Variants in KDM4C observed in about 807,000 individuals in gnomAD.
The protein encoded by KDM4C is lysine-specific demethylase 4C.
In KDM4C, 81 loss-of-function variants were observed where a neutral mutation model predicts 129.3. The observed-to-expected ratio is 0.63, with a 90% CI of 0.52 to 0.75. The LOEUF (loss-of-function observed/expected upper bound fraction) is 0.75, where lower values mean the gene tolerates loss of function less well. Among genes scored for constraint, KDM4C ranks in the 30% least tolerant of loss-of-function variants. KDM4C has a pLI of 0.00. For missense variants in KDM4C, 1,457 were observed against 1,304.0 expected (o/e 1.12, Z -1.81); for synonymous variants, 573 against 456.1 (o/e 1.26, Z -3.26).
intron 17 of KDM4C, among the ~76,000 whole-genome samples, chr9:7,060,065 C>T (rs1416662608): frequency 1.3e-5 from 2 of 152,084 alleles, no homozygotes; most frequent in Admixed American, 6.5e-5. Flanking sequence ...TTCTTCAATC[C>T]AGTGTTCTCA....
At chr9:6,864,055 C>G (rs958063451) in intron 5 of KDM4C, among the ~76,000 whole-genome samples, 1 of 152,146 alleles carries the variant, frequency 6.6e-6, no homozygotes, top group African/African-American at 2.4e-5. Flanking sequence ...ATAGAGTATT[C>G]TGAATTTGTT....
chr9:6,805,049 T>C (rs916686442), intron 2 of KDM4C, among the ~76,000 whole-genome samples: 10 of 151,916 alleles, frequency 6.6e-5, no homozygotes, highest in African/African-American at 2.4e-4. Context: ...TACAGGTGCG[T>C]GCCACCACGC....
upstream of KDM4C, among the ~76,000 whole-genome samples, chr9:6,755,669 C>G (rs1245776831): frequency 3.9e-5 from 6 of 152,198 alleles, no homozygotes; most frequent in East Asian, 1.2e-3. Context: ...ATTGTTCATA[C>G]AGCCTTCCAT....
At position 7,135,006 on chromosome 9, in the gene KDM4C, T is replaced by C. The variant is rs77938310; in HGVS notation, c.2781+6770T>C. Among the ~76,000 whole-genome samples the C allele has an allele frequency of 7.1e-3, 1,077 of 152,348 alleles. 10 individuals carry two copies. Among genetic ancestry groups the C allele is most frequent in the African/African-American group, 0.025 (1,026 of 41,572 alleles). The stretch of plus-strand genomic sequence containing the variant: ...ATTTTATTTCCTTTTGTGTAACTCA[T>C]ATGACTTTTTACATTACAGCCTTGG... On this transcript the variant is annotated intron_variant, in intron 19 of 21. Coordinates refer to ENST00000381309, the MANE Select transcript of KDM4C (RefSeq NM_015061.6).
At chr9:6,924,670 C>G (rs1239106528) in intron 8 of KDM4C, 1 of 666,770 alleles carries the variant, frequency 1.5e-6, no homozygotes, top group Non-Finnish European at 1.9e-6. Context: ...GAATGTTACA[C>G]TTGTGTTCTG....
intron 17 of KDM4C, among the ~76,000 whole-genome samples, chr9:7,064,060 A>T (rs745749024): frequency 6.6e-6 from 1 of 152,232 alleles, no homozygotes; most frequent in Admixed American, 6.5e-5. Flanking sequence ...AATTGTATTT[A>T]ACTTTAAATT....
intron 8 of KDM4C, among the ~76,000 whole-genome samples, chr9:6,922,022 G>A (rs929527268): frequency 7.9e-5 from 12 of 152,138 alleles, no homozygotes; most frequent in Non-Finnish European, 1.3e-4. Flanking sequence ...ACAATCCCAA[G>A]CTCTGTGAAG....
chr9:6,748,165 CAA>C (rs71315558), intron 1 of KDM4C, among the ~76,000 whole-genome samples: 26 of 97,462 alleles, frequency 2.7e-4, no homozygotes, highest in African/African-American at 1.1e-3. Flanking sequence ...GACTTGGTCT[CAA>C]AAAAAAAACA....
intron 15 of KDM4C, among the ~76,000 whole-genome samples, chr9:7,018,471 A>G (rs1216494580): frequency 2.6e-5 from 4 of 151,244 alleles, no homozygotes; most frequent in African/African-American, 4.8e-5. Context: ...GCTCTTATTT[A>G]TTATATAGGT....
intron 17 of KDM4C, among the ~76,000 whole-genome samples, chr9:7,055,543 T>C (rs1190266049): frequency 6.6e-6 from 1 of 152,224 alleles, no homozygotes; most frequent in Non-Finnish European, 1.5e-5. Flanking sequence ...CTGTACACTT[T>C]AAAATTTGTA....
intron 15 of KDM4C, 25 bp downstream of exon 15, chr9:7,015,954 T>G: frequency 6.5e-7 from 1 of 1,539,250 alleles, no homozygotes; most frequent in Non-Finnish European, 9.0e-7. Context: ...TTAGTATTGC[T>G]TAACCTTTCT....
intron 4 of KDM4C, among the ~76,000 whole-genome samples, chr9:6,841,463 T>C (rs956486113): frequency 2.0e-5 from 3 of 152,222 alleles, no homozygotes; most frequent in Admixed American, 6.5e-5. Flanking sequence ...AAGGTTCATA[T>C]AGACTTTTCC....
Position 7,011,581 on chromosome 9 carries a change from G to T in KDM4C, c.1787-117G>T, listed in dbSNP as rs535532757. On this transcript the variant is annotated intron_variant, in intron 12 of 21. Transcript: ENST00000381309. ...AGGATGTATTTGAAAGACAAAGTAGGTTTGGTTTCCGGCCTTAATATCACA... is the reference window on the plus strand; with the variant it reads ...AGGATGTATTTGAAAGACAAAGTAGTTTTGGTTTCCGGCCTTAATATCACA... The T allele has an allele frequency of 1.1e-5, 10 of 880,042 alleles. No individual in the cohort carries two copies. In the Admixed American group the frequency reaches 1.8e-4, roughly 16 times the overall value. The allele number at this position is 880,042 out of a possible 1,614,324, so 54.5% of individuals were successfully genotyped here.
At chr9:7,066,721 C>T (rs768768635) in intron 17 of KDM4C, among the ~76,000 whole-genome samples, 28 of 152,040 alleles carry the variant, frequency 1.8e-4, no homozygotes, top group Non-Finnish European at 3.7e-4. Flanking sequence ...ACTATGATGT[C>T]TTGGAGTTGT....
chr9:6,791,173 A>G (rs534570910), intron 1 of KDM4C, among the ~76,000 whole-genome samples: 3 of 152,244 alleles, frequency 2.0e-5, no homozygotes, highest in African/African-American at 7.2e-5. Context: ...GTGCAGTGGC[A>G]TGATCTCGGC....
At chr9:7,072,557 A>G (rs1171714739) in intron 17 of KDM4C, among the ~76,000 whole-genome samples, 3 of 152,204 alleles carry the variant, frequency 2.0e-5, no homozygotes, top group African/African-American at 7.2e-5. Context: ...TTTATGTCAC[A>G]TTCTGTAAAA....
At chr9:7,159,651 A>G (rs959728037) in intron 19 of KDM4C, among the ~76,000 whole-genome samples, 1 of 152,166 alleles carries the variant, frequency 6.6e-6, no homozygotes, top group East Asian at 1.9e-4. Flanking sequence ...GGAATGTTGA[A>G]TATTGGCCCC....
intron 1 of KDM4C, among the ~76,000 whole-genome samples, chr9:6,772,807 C>G (rs1014012213): frequency 6.6e-6 from 1 of 151,388 alleles, no homozygotes; most frequent in Non-Finnish European, 1.5e-5. Flanking sequence ...GTTCTCCTGC[C>G]TCAGCCTCCT....
In KDM4C at chr9:6,951,386, G is replaced by C. The variant is rs1299416186; in HGVS notation, c.922-29539G>C. Reference sequence around the variant, plus strand: ...TCTGTCTTCTGGACTCTGAAGCCCAGTATCAGTTTCTTCTAGTCATGATCT... The same window carrying C: ...TCTGTCTTCTGGACTCTGAAGCCCACTATCAGTTTCTTCTAGTCATGATCT... On this transcript the variant is annotated intron_variant, in intron 8 of 21. Coordinates refer to ENST00000381309, the MANE Select transcript of KDM4C (RefSeq NM_015061.6). Among the ~76,000 whole-genome samples, 4 of 152,082 alleles carry C rather than the reference G, an allele frequency of 2.6e-5. No homozygotes were observed. In the South Asian group the frequency reaches 6.2e-4, roughly 24 times the overall value.
Sources: gnomAD v4.1 joint callset for allele counts (sites outside exome capture counted in the v4.1 genomes callset) on GRCh38, gnomAD v4.1.1 for gene constraint, MANE v1.5 for transcripts, NCBI Gene and HGNC (gene_info 2026-07-23, HGNC 2026-07-21) for gene names.